GPHN: variants seen among roughly 807,000 people sequenced by gnomAD.
GPHN encodes the protein gephyrin.
In GPHN, 17 loss-of-function variants were observed where a neutral mutation model predicts 95.5. That is an observed-to-expected ratio of 0.18 (90% CI 0.12 to 0.27). The LOEUF is 0.27. Ranked by LOEUF, GPHN falls within the 10% of genes least tolerant of loss-of-function variation. The pLI is 1.00. For synonymous variants in GPHN, 320 were observed against 322.5 expected (o/e 0.99, Z 0.08); for missense variants, 660 against 978.1 (o/e 0.67, Z 4.34).
chr14:67,708,315 G>A, the GPHN span, among the ~76,000 whole-genome samples: 16 of 152,230 alleles, frequency 1.1e-4, 1 homozygote, highest in African/African-American at 2.6e-4. Flanking sequence ...ATCCTGTTCT[G>A]CTTGATATTC....
the GPHN span, among the ~76,000 whole-genome samples, chr14:67,548,980 A>T: frequency 2.6e-5 from 4 of 152,216 alleles, no homozygotes; most frequent in African/African-American, 9.7e-5. Flanking sequence ...CTTCCACCTC[A>T]TATGGATTAT....
At chr14:67,366,077 T>A in the GPHN span, among the ~76,000 whole-genome samples, 1 of 151,888 alleles carries the variant, frequency 6.6e-6, no homozygotes, top group African/African-American at 2.4e-5. Flanking sequence ...TGTCTAATCT[T>A]GTACTTTTTT....
chr14:66,548,836 A>G (rs8012737), intron 1 of GPHN, among the ~76,000 whole-genome samples: 49,845 of 152,078 alleles, frequency 0.33, 11,997 homozygotes, highest in African/African-American at 0.65. Flanking sequence ...TTGTGAATAC[A>G]AAGGAAAAAT....
chr14:66,685,346 A>G (rs1433232005), intron 2 of GPHN, among the ~76,000 whole-genome samples: 4 of 152,168 alleles, frequency 2.6e-5, no homozygotes. Flanking sequence ...ACAACAGTTG[A>G]ACTAGTTTAC....
chr14:67,622,455 C>T, the GPHN span, among the ~76,000 whole-genome samples: 33 of 152,252 alleles, frequency 2.2e-4, no homozygotes, highest in Middle Eastern at 3.4e-3. Flanking sequence ...ATATTCGAAC[C>T]TTGTTTATTA....
chr14:67,270,939 C>G, the GPHN span: 3 of 152,096 alleles, frequency 2.0e-5, no homozygotes, highest in Non-Finnish European at 2.9e-5. Flanking sequence ...AAAAGTAGTT[C>G]ATCAGTCATT....
the GPHN span, chr14:67,647,132 AC>A: frequency 1.3e-6 from 1 of 749,122 alleles, no homozygotes; most frequent in East Asian, 2.6e-5. Context: ...GCAAAAACAT[AC>A]ACATAATTTT....
chr14:67,724,983 C>A, the GPHN span: 5 of 1,191,280 alleles, frequency 4.2e-6, no homozygotes, highest in South Asian at 6.1e-5. Context: ...TTCACTCTAC[C>A]GTTGAAGGAT....
At chr14:67,350,681 A>T in the GPHN span, 14 of 1,613,308 alleles carry the variant, frequency 8.7e-6, no homozygotes, top group Admixed American at 3.3e-5. Flanking sequence ...TCGCCCATCA[A>T]CATTTTAGTC....
At chr14:67,244,206 C>T in the GPHN span, among the ~76,000 whole-genome samples, 3 of 152,100 alleles carry the variant, frequency 2.0e-5, no homozygotes, top group African/African-American at 4.8e-5. Context: ...TAATGAATAT[C>T]TTTGTGTATG....
At chr14:66,670,486 C>A (rs959950382) in intron 1 of GPHN, among the ~76,000 whole-genome samples, 3 of 152,032 alleles carry the variant, frequency 2.0e-5, no homozygotes, top group Non-Finnish European at 2.9e-5. Flanking sequence ...TGGTTCTTGT[C>A]AAAAAGTGGT....
At chr14:67,300,947 C>T in the GPHN span, among the ~76,000 whole-genome samples, 1 of 151,396 alleles carries the variant, frequency 6.6e-6, no homozygotes, top group Non-Finnish European at 1.5e-5. Context: ...TTGCCTCAGC[C>T]TCTCAAAGTG....
At chr14:67,671,255 G>A in the GPHN span, among the ~76,000 whole-genome samples, 3 of 152,200 alleles carry the variant, frequency 2.0e-5, no homozygotes, top group African/African-American at 7.2e-5. Flanking sequence ...GTTGGGCGCA[G>A]TGGCTCACAC....
rs554495968 is a variant in GPHN, at chr14:66,754,496, TG to T, written c.144-21967del. On this transcript the variant is annotated intron_variant, in intron 2 of 22. Coordinates refer to ENST00000478722, the MANE Select transcript of GPHN (RefSeq NM_020806.5). The stretch of plus-strand genomic sequence containing the variant: ...ACTTCTCTCTATAGTGAGTCATATG[TG>T]TAAGTTATGCAGCAGGTGAAGAAAT... 3.1e-3 allele frequency among the ~76,000 whole-genome samples: 467 copies of T among 152,116 alleles called. 11 individuals are homozygous for T. The highest frequency in any genetic ancestry group is 0.011 in the African/African-American group (443 of 41,540).
intron 17 of GPHN, among the ~76,000 whole-genome samples, chr14:67,140,016 A>T (rs2080354943): frequency 6.6e-6 from 1 of 152,176 alleles, no homozygotes; most frequent in South Asian, 2.1e-4. Context: ...GCAAATTAGA[A>T]AATTTCATGT....
intron 9 of GPHN, among the ~76,000 whole-genome samples, chr14:66,993,532 C>T (rs1042699615): frequency 9.9e-5 from 15 of 152,162 alleles, no homozygotes; most frequent in Non-Finnish European, 1.8e-4. Context: ...GCTAAATGCC[C>T]TGTTTGGCCT....
the GPHN span, among the ~76,000 whole-genome samples, chr14:67,251,356 G>A: frequency 2.0e-5 from 3 of 152,118 alleles, no homozygotes; most frequent in Admixed American, 6.5e-5. Context: ...AACACAGTGG[G>A]ACCCTGTCTC....
the GPHN span, among the ~76,000 whole-genome samples, chr14:67,249,610 G>T: frequency 6.6e-6 from 1 of 152,160 alleles, no homozygotes; most frequent in Non-Finnish European, 1.5e-5. Context: ...TCAAATATTA[G>T]AAATTTTAAT....
the GPHN span, among the ~76,000 whole-genome samples, chr14:67,240,848 G>GCTTT: frequency 6.6e-6 from 1 of 152,222 alleles, no homozygotes; most frequent in African/African-American, 2.4e-5. Flanking sequence ...GCAGCTGCTG[G>GCTTT]CTTTATGCAG....
Sources: gnomAD v4.1 joint callset for allele counts (sites outside exome capture counted in the v4.1 genomes callset) on GRCh38, gnomAD v4.1.1 for gene constraint, MANE v1.5 for transcripts, NCBI Gene and HGNC (gene_info 2026-07-23, HGNC 2026-07-21) for gene names.